CCR7: variants seen among roughly 807,000 people sequenced by gnomAD.
The protein encoded by CCR7 is C-C motif chemokine receptor 7.
A neutral mutation model predicts 26.0 loss-of-function variants in CCR7; 11 were observed. That is an observed-to-expected ratio of 0.42 (90% CI 0.27 to 0.70). The LOEUF (loss-of-function observed/expected upper bound fraction) is 0.70, where lower values mean the gene tolerates loss of function less well. CCR7 is among the 30% of genes least tolerant of loss of function. The pLI is 0.23. For synonymous variants in CCR7, 189 were observed against 202.1 expected (o/e 0.94, Z 0.55); for missense variants, 360 against 504.0 (o/e 0.71, Z 2.74).
chr17:40,560,399 G>T (rs1479595033), intron 1 of CCR7, among the ~76,000 whole-genome samples: 2 of 152,210 alleles, frequency 1.3e-5, no homozygotes, highest in African/African-American at 2.4e-5. Flanking sequence ...TCTCCTGGAG[G>T]CTGGGGAAGC....
At chr17:40,561,523 T>C (rs2036655584) in intron 1 of CCR7, among the ~76,000 whole-genome samples, 1 of 152,136 alleles carries the variant, frequency 6.6e-6, no homozygotes, top group Non-Finnish European at 1.5e-5. Context: ...ATGTTGGGTG[T>C]TTTCTGAGTT....
rs1387241478 is a variant in CCR7 at position 40,554,653 on chromosome 17, G to A, written c.*89C>T. ...TGCTTTTCCCTGAGCAGCTTTTGGC[G>A]GGGGGATGTCCTGAGTCATTGCATC... On this transcript the variant is annotated 3_prime_UTR_variant, in exon 3 of 3. Coordinates refer to ENST00000246657, the MANE Select transcript of CCR7 (RefSeq NM_001838.4). 1.5e-5 allele frequency: 15 copies of A among 1,010,144 alleles called. No individual in the cohort carries two copies. Among genetic ancestry groups the A allele is most frequent in the East Asian group, 2.4e-5 (1 of 41,794 alleles). 62.6% of individuals were successfully genotyped at this position (1,010,144 alleles called of 1,614,324 possible). A position where few individuals can be genotyped will look rare whatever the true frequency, so the allele number is the denominator to read the frequency against.
At chr17:40,564,945 A>G (rs1046080655) in intron 1 of CCR7, among the ~76,000 whole-genome samples, 13 of 152,260 alleles carry the variant, frequency 8.5e-5, no homozygotes, top group Non-Finnish European at 1.6e-4. Context: ...GTATATGAAT[A>G]TTTGGCAGGG....
In CCR7 at chr17:40,555,425, T is replaced by G. The variant is rs765073874; in HGVS notation, c.454A>C (p.Ile152Leu). ...TGGACGATGGCCACGTAGCGGTCAATGCTGATGCAAAGAAGTAGGAGCATG... is the reference window on the plus strand; with the variant it reads ...TGGACGATGGCCACGTAGCGGTCAAGGCTGATGCAAAGAAGTAGGAGCATG... ...SGMLLLLCIS[I>L]DRYVAIVQAV... The change falls in exon 3 of 3, where the codon ATT becomes CTT. Residue 152 changes from isoleucine to leucine, a missense_variant. Ile to Leu is a conservative substitution (Grantham distance 5). Transcript: ENST00000246657. The surrounding 1 kb of genome is among the most constrained non-coding windows in gnomAD (Gnocchi z 5.6). The G allele has an allele frequency of 6.2e-7, 1 of 1,613,954 alleles. No individual in the cohort carries two copies. Among genetic ancestry groups the G allele is most frequent in the East Asian group, 2.2e-5 (1 of 44,882 alleles).
Position 40,555,252 on chromosome 17 carries a change from T to A in CCR7, c.627A>T (p.Arg209=), listed in dbSNP as rs766064362. The change falls in exon 3 of 3, where the codon CGA becomes CGT. Residue 209 remains arginine, a synonymous_variant. Transcript: ENST00000246657. This position sits in a 1 kb window ranked among gnomAD's most constrained non-coding sequence, Gnocchi z 5.6. ...CCACATGCTCTGTGATGAGAGAGCA[T>A]CGCATCGCTTGCTCACTGCTGCTCC... ...LQRSSSEQAM[R]CSLITEHVEA... The A allele has an allele frequency of 1.2e-6, 2 of 1,614,066 alleles. No individual in the cohort carries two copies. Among genetic ancestry groups the A allele is most frequent in the South Asian group, 2.2e-5 (2 of 91,074 alleles).
intron 1 of CCR7, among the ~76,000 whole-genome samples, chr17:40,564,431 A>C (rs1411975964): frequency 6.6e-6 from 1 of 152,152 alleles, no homozygotes; most frequent in East Asian, 1.9e-4. Flanking sequence ...GGGAACCTTC[A>C]CTTTTTAAAG....
Position 40,555,473 on chromosome 17 carries a change from A to G in CCR7, c.406T>C (p.Tyr136His). 6.2e-7 allele frequency: 1 copy of G among 1,614,014 alleles called. No homozygotes were observed. The change falls in exon 3 of 3, where the codon TAC becomes CAC. Residue 136 changes from tyrosine to histidine, a missense_variant. Tyr to His is a moderately conservative substitution (Grantham distance 83). Coordinates refer to ENST00000246657, the MANE Select transcript of CCR7 (RefSeq NM_001838.4). The surrounding 1 kb of genome is among the most constrained non-coding windows in gnomAD (Gnocchi z 5.6). ...ATGCCACTGAAGAAGCTCATCTTGT[A>G]GATGGCAAAGATGAGCTTGCAAAAG... ...VHFCKLIFAI[Y>H]KMSFFSGMLL... is the part of the protein sequence containing the mutation.
chr17:40,558,797 G>T, intron 2 of CCR7, 96 bp downstream of exon 2: 1 of 1,070,404 alleles, frequency 9.3e-7, no homozygotes, highest in Non-Finnish European at 1.4e-6. Flanking sequence ...TCTGGGTCTT[G>T]TATCTTCTAG....
chr17:40,564,988 G>T (rs1001854625), intron 1 of CCR7, among the ~76,000 whole-genome samples: 5 of 152,084 alleles, frequency 3.3e-5, no homozygotes, highest in African/African-American at 9.7e-5. Context: ...TGGGTAAAAG[G>T]TCCTAAGCTC....
In CCR7 at chr17:40,555,035, C is replaced by T. The variant is rs1285100435; in HGVS notation, c.844G>A (p.Val282Met). The stretch of plus-strand genomic sequence containing the variant: ...TTGGCCACCGTCTGGGCCAGGACCA[C>T]CCCATTGTAGGGCAGCTGGAAGACT... ...FIVFQLPYNG[V>M]VLAQTVANFN... Residue 282 changes from valine (V) to methionine (M), a missense_variant, in exon 3 of 3, where the codon GTG (valine) becomes ATG (methionine). Physicochemically the swap from Val to Met is conservative, Grantham distance 21 (BLOSUM62 1). Coordinates refer to ENST00000246657, the MANE Select transcript of CCR7 (RefSeq NM_001838.4). The surrounding 1 kb of genome is among the most constrained non-coding windows in gnomAD (Gnocchi z 5.6). 3 of 1,614,200 alleles carry T rather than the reference C, an allele frequency of 1.9e-6. No individual in the cohort carries two copies. Among genetic ancestry groups the T allele is most frequent in the South Asian group, 1.1e-5 (1 of 91,080 alleles).
In CCR7 at chr17:40,554,704, C is replaced by G; in HGVS notation, c.*38G>C. ...TGCTCCCTATCCCCACCCCAGGGACCCTGGGAGAGGTCCCTCTAGTCCAGG... is the reference window on the plus strand; with the variant it reads ...TGCTCCCTATCCCCACCCCAGGGACGCTGGGAGAGGTCCCTCTAGTCCAGG... On this transcript the variant is annotated 3_prime_UTR_variant, in exon 3 of 3. Coordinates refer to ENST00000246657, the MANE Select transcript of CCR7 (RefSeq NM_001838.4). The G allele has an allele frequency of 6.6e-7, 1 of 1,513,784 alleles. No individual in the cohort carries two copies. The highest frequency in any genetic ancestry group is 9.0e-7 in the Non-Finnish European group (1 of 1,116,674). 93.8% of individuals were successfully genotyped at this position (1,513,784 alleles called of 1,614,324 possible). A position where few individuals can be genotyped will look rare whatever the true frequency, so the allele number is the denominator to read the frequency against.
rs542029823 is a variant in CCR7 at position 40,557,927 on chromosome 17, A to G, written c.60+966T>C. Among the ~76,000 whole-genome samples, 3 of 152,236 alleles carry G rather than the reference A, an allele frequency of 2.0e-5. No homozygotes were observed. The South Asian group carries it at 6.2e-4, about 32-fold the overall frequency. The stretch of plus-strand genomic sequence containing the variant: ...CACTGCCAGCAATACAGCCCCCCAG[A>G]GTCCTGGAGACAGGGGAGAGAGAGG... On this transcript the variant is annotated intron_variant, in intron 2 of 2. Transcript: ENST00000246657.
At position 40,554,700 on chromosome 17, in the gene CCR7, G is replaced by A; in HGVS notation, c.*42C>T. The A allele has an allele frequency of 6.7e-7, 1 of 1,488,326 alleles. No homozygotes were observed. The highest frequency in any genetic ancestry group is 9.1e-7 in the Non-Finnish European group (1 of 1,097,936). The allele number at this position is 1,488,326 out of a possible 1,614,324, so 92.2% of individuals were successfully genotyped here. A position where few individuals can be genotyped will look rare whatever the true frequency, so the allele number is the denominator to read the frequency against. ...CATCTGCTCCCTATCCCCACCCCAG[G>A]GACCCTGGGAGAGGTCCCTCTAGTC... On this transcript the variant is annotated 3_prime_UTR_variant, in exon 3 of 3. Coordinates refer to ENST00000246657, the MANE Select transcript of CCR7 (RefSeq NM_001838.4).
At chr17:40,560,043 GA>G in intron 1 of CCR7, among the ~76,000 whole-genome samples, 1 of 152,316 alleles carries the variant, frequency 6.6e-6, no homozygotes, top group Non-Finnish European at 1.5e-5. Context: ...TGGAAGTCAG[GA>G]GGCTTCCTGG....
At chr17:40,565,274 A>G in intron 1 of CCR7, 126 bp downstream of exon 1, 1 of 863,934 alleles carries the variant, frequency 1.2e-6, no homozygotes, top group South Asian at 1.3e-5. Flanking sequence ...CCACCAAATC[A>G]GAACTGATTT....
intron 2 of CCR7, among the ~76,000 whole-genome samples, chr17:40,557,218 T>C (rs1414926443): frequency 6.6e-6 from 1 of 152,220 alleles, no homozygotes; most frequent in Non-Finnish European, 1.5e-5. Context: ...TGCTGTGATT[T>C]TATCAATGAA....
Position 40,555,054 on chromosome 17 carries a change from G to A in CCR7, c.825C>T (p.Phe275=). The A allele has an allele frequency of 6.2e-7, 1 of 1,614,204 alleles. No individual in the cohort carries two copies. Among genetic ancestry groups the A allele is most frequent in the Non-Finnish European group, 8.5e-7 (1 of 1,180,042 alleles). Residue 275 remains phenylalanine (F), a synonymous_variant, in exon 3 of 3, where the codon TTC becomes TTT. Transcript: ENST00000246657. This position sits in a 1 kb window ranked among gnomAD's most constrained non-coding sequence, Gnocchi z 5.6. ...GGACCACCCCATTGTAGGGCAGCTGGAAGACTATGAAGACCACGACCACAG... is the reference window on the plus strand; with the variant it reads ...GGACCACCCCATTGTAGGGCAGCTGAAAGACTATGAAGACCACGACCACAG... ...IIAVVVVFIV[F]QLPYNGVVLA... is the part of the protein sequence containing the mutation.
At position 40,555,751 on chromosome 17, in the gene CCR7, A is replaced by G; in HGVS notation, c.128T>C (p.Leu43Ser). ...CTTCTTGGAGCACAAAGACTCGAAC[A>G]AAGTGTAGTCCACTGTGGTGTTGTC... ...IGDNTTVDYT[L>S]FESLCSKKDV... The change falls in exon 3 of 3, where the codon TTG (leucine) becomes TCG (serine). Residue 43 changes from leucine to serine, a missense_variant. By Grantham distance (145) the Leu-to-Ser change is moderately radical. Transcript: ENST00000246657. The surrounding 1 kb of genome is among the most constrained non-coding windows in gnomAD (Gnocchi z 5.6). The G allele has an allele frequency of 6.2e-7, 1 of 1,614,206 alleles. No individual in the cohort carries two copies. The highest frequency in any genetic ancestry group is 8.5e-7 in the Non-Finnish European group (1 of 1,180,038).
intron 1 of CCR7, among the ~76,000 whole-genome samples, chr17:40,565,093 C>G (rs1409405522): frequency 6.6e-6 from 1 of 151,882 alleles, no homozygotes; most frequent in Non-Finnish European, 1.5e-5. Context: ...GCCAGACCAC[C>G]AAGCCCAGCC....
Sources: allele counts gnomAD v4.1 joint callset (sites outside exome capture counted in the v4.1 genomes callset), GRCh38; gene constraint gnomAD v4.1.1; non-coding constraint Gnocchi (gnomAD v3.1); transcripts MANE v1.5; gene names NCBI Gene and HGNC (gene_info 2026-07-23, HGNC 2026-07-21).